AXIN2: variants seen among roughly 807,000 people sequenced by gnomAD.
AXIN2 encodes the protein axin-2.
A neutral mutation model predicts 74.7 loss-of-function variants in AXIN2; 21 were observed. The observed-to-expected ratio is 0.28, with a 90% CI of 0.20 to 0.40. AXIN2 has a LOEUF of 0.40. Among genes scored for constraint, AXIN2 ranks in the 10% least tolerant of loss-of-function variants. AXIN2 has a pLI of 1.00. For missense variants in AXIN2, 1,144 were observed against 1,111.1 expected (o/e 1.03, Z -0.42); for synonymous variants, 532 against 454.9 (o/e 1.17, Z -2.16).
At chr17:65,550,183 C>T (rs563993057) in intron 2 of AXIN2, among the ~76,000 whole-genome samples, 2 of 152,336 alleles carry the variant, frequency 1.3e-5, no homozygotes, top group African/African-American at 4.8e-5. Context: ...GGCCTTCTCA[C>T]TTTGACCCTG....
chr17:65,531,643 T>C (rs1293905167), intron 10 of AXIN2, among the ~76,000 whole-genome samples: 4 of 152,054 alleles, frequency 2.6e-5, no homozygotes, highest in Non-Finnish European at 5.9e-5. Context: ...TTTTACATAA[T>C]TGCAACCTCC....
At chr17:65,547,965 A>G (rs1459832869) in intron 3 of AXIN2, among the ~76,000 whole-genome samples, 1 of 152,250 alleles carries the variant, frequency 6.6e-6, no homozygotes, top group Non-Finnish European at 1.5e-5. Context: ...TGAGAGATAA[A>G]TTATGCCCTG....
chr17:65,550,729 T>C (rs967182235), intron 2 of AXIN2, among the ~76,000 whole-genome samples: 1 of 152,160 alleles, frequency 6.6e-6, no homozygotes, highest in Non-Finnish European at 1.5e-5. Flanking sequence ...AAGATGGCCG[T>C]GGGGTTGGCA....
chr17:65,540,553 A>G (rs186874309), intron 4 of AXIN2, among the ~76,000 whole-genome samples: 92 of 152,262 alleles, frequency 6.0e-4, no homozygotes, highest in African/African-American at 2.1e-3. Flanking sequence ...AACCTCTCAC[A>G]TAGTTGGGAT....
chr17:65,542,620 A>C (rs895174426), intron 3 of AXIN2, among the ~76,000 whole-genome samples: 1 of 152,232 alleles, frequency 6.6e-6, no homozygotes, highest in African/African-American at 2.4e-5. Context: ...AGAATTTTTA[A>C]AAAGCTGCCA....
At chr17:65,550,110 C>T (rs1419359080) in intron 2 of AXIN2, among the ~76,000 whole-genome samples, 1 of 152,234 alleles carries the variant, frequency 6.6e-6, no homozygotes, top group Non-Finnish European at 1.5e-5. Context: ...TCTTAAGTAC[C>T]TAAACTCCTT....
Position 65,537,412 on chromosome 17 carries a change from A to G in AXIN2, c.1624T>C (p.Phe542Leu), listed in dbSNP as rs771197210. 2 of 1,614,036 alleles carry G rather than the reference A, an allele frequency of 1.2e-6. No individual in the cohort carries two copies. The highest frequency in any genetic ancestry group is 1.7e-6 in the Non-Finnish European group (2 of 1,180,000). ...EAEATQRVHCFCPGGSEYYCY... is the reference protein window; with the variant it reads ...EAEATQRVHCLCPGGSEYYCY... ...TAATACTCGCTGCCCCCAGGGCAGA[A>G]GCAGTGCACCCGCTGCGTGGCCTCC... is the stretch of plus-strand genomic sequence containing the variant. The change falls in exon 6 of 11, where the codon TTC (phenylalanine) becomes CTC (leucine). Residue 542 changes from phenylalanine (F) to leucine (L), a missense_variant. Physicochemically the swap from Phe to Leu is conservative, Grantham distance 22. This residue lies in a region of AXIN2 where 1,053 missense variants were observed against 973.5 expected (regional missense o/e 1.08). Coordinates refer to ENST00000307078, the MANE Select transcript of AXIN2 (RefSeq NM_004655.4).
intron 3 of AXIN2, among the ~76,000 whole-genome samples, chr17:65,548,629 T>G (rs2044148332): frequency 6.6e-6 from 1 of 152,102 alleles, no homozygotes; most frequent in Non-Finnish European, 1.5e-5. Flanking sequence ...ATCCCCAGGC[T>G]CCACTCTGGG....
At position 65,530,051 on chromosome 17, in the gene AXIN2, C is replaced by T. The variant is rs2144391421; in HGVS notation, c.2457G>A (p.Glu819=). The T allele has an allele frequency of 6.2e-7, 1 of 1,614,240 alleles. No individual in the cohort carries two copies. The highest frequency in any genetic ancestry group is 1.1e-5 in the South Asian group (1 of 91,084). Residue 819 remains glutamate, a synonymous_variant, in exon 11 of 11, where the codon GAG becomes GAA. Coordinates refer to ENST00000307078, the MANE Select transcript of AXIN2 (RefSeq NM_004655.4). ...SDEFACGAVF[E]EIWEDETVLP... is the part of the protein sequence containing the mutation. ...GCACCGTCTCATCCTCCCAGATCTC[C>T]TCAAACACCGCTCCACAGGCAAACT...
intron 3 of AXIN2, among the ~76,000 whole-genome samples, chr17:65,542,463 G>A: frequency 6.6e-6 from 1 of 152,240 alleles, no homozygotes; most frequent in East Asian, 1.9e-4. Flanking sequence ...GCAGGAAAAG[G>A]AGAATCACTG....
At chr17:65,533,033 C>T (rs1038256546) in intron 10 of AXIN2, among the ~76,000 whole-genome samples, 1 of 152,216 alleles carries the variant, frequency 6.6e-6, no homozygotes, top group East Asian at 1.9e-4. Flanking sequence ...TCCAGATGAA[C>T]TGAGGCAGAG....
At position 65,536,649 on chromosome 17, in the gene AXIN2, CAGAG is replaced by C. The variant is rs895624038; in HGVS notation, c.1908-100_1908-97del. Reference sequence around the variant, plus strand: ...TCAATAGAAACTTGTCTATTCTGCTCAGAGAGAGAGTTAAAAAAAAAACTACCAT... The same window carrying C: ...TCAATAGAAACTTGTCTATTCTGCTCAGAGAGTTAAAAAAAAAACTACCAT... On this transcript the variant is annotated intron_variant, in intron 7 of 10. Coordinates refer to ENST00000307078, the MANE Select transcript of AXIN2 (RefSeq NM_004655.4). The C allele has an allele frequency of 4.1e-6, 6 of 1,456,200 alleles. No individual in the cohort carries two copies. The African/African-American group carries it at 7.0e-5, about 17-fold the overall frequency. 90.2% of individuals were successfully genotyped at this position (1,456,200 alleles called of 1,614,324 possible). A position where few individuals can be genotyped will look rare whatever the true frequency, so the allele number is the denominator to read the frequency against.
At chr17:65,543,863 C>T (rs2044077946) in intron 3 of AXIN2, among the ~76,000 whole-genome samples, 1 of 152,160 alleles carries the variant, frequency 6.6e-6, no homozygotes, top group Admixed American at 6.5e-5. Context: ...ATGGGGCTCG[C>T]CAGGTGGTTC....
At chr17:65,552,820 G>A (rs149932538) in intron 2 of AXIN2, among the ~76,000 whole-genome samples, 78 of 152,182 alleles carry the variant, frequency 5.1e-4, no homozygotes, top group African/African-American at 1.8e-3. Flanking sequence ...CCTGAGGTCG[G>A]GAGTTCAAGA....
At chr17:65,549,842 C>G (rs2044167386) in intron 2 of AXIN2, among the ~76,000 whole-genome samples, 182 bp from the exon 3 acceptor site, 1 of 152,172 alleles carries the variant, frequency 6.6e-6, no homozygotes, top group Admixed American at 6.5e-5. Context: ...TCCTGAGCCA[C>G]CGGTTCACCC....
chr17:65,540,256 G>A (rs2044021022), intron 4 of AXIN2, among the ~76,000 whole-genome samples: 1 of 1,756 alleles, frequency 5.7e-4, no homozygotes, highest in Admixed American at 5.8e-3. Flanking sequence ...ATGTCCCAAG[G>A]GGGGGCAGAG....
At chr17:65,538,599 C>G (rs2043987376) in intron 4 of AXIN2, among the ~76,000 whole-genome samples, 1 of 129,120 alleles carries the variant, frequency 7.7e-6, no homozygotes, top group African/African-American at 2.8e-5. Flanking sequence ...CTTGTTCTTT[C>G]TGTAGTACAA....
At chr17:65,561,233 G>T in intron 1 of AXIN2, 1 of 148,708 alleles carries the variant, frequency 6.7e-6, no homozygotes, top group South Asian at 2.0e-4. Context: ...GGTCCTGAAA[G>T]GGAGGTACGC....
rs73348116 is a variant in AXIN2, at chr17:65,559,097, C to G, written c.-116-361G>C. 9.6e-3 allele frequency among the ~76,000 whole-genome samples: 1,457 copies of G among 152,214 alleles called. 24 individuals carry two copies. Among genetic ancestry groups the G allele is most frequent in the African/African-American group, 0.033 (1,366 of 41,512 alleles). ...GGCGCACGCAGGGCAGCTCAGCCCG[C>G]GCCTCGCCTTCCCTCCCTTCCCCTC... On this transcript the variant is annotated intron_variant, in intron 1 of 10. Coordinates refer to ENST00000307078, the MANE Select transcript of AXIN2 (RefSeq NM_004655.4).
Sources: allele counts gnomAD v4.1 joint callset (sites outside exome capture counted in the v4.1 genomes callset), GRCh38; gene constraint gnomAD v4.1.1; regional missense constraint gnomAD v4.1.1; transcripts MANE v1.5; gene names NCBI Gene and HGNC (gene_info 2026-07-23, HGNC 2026-07-21).